The following NEK4 variants were observed in gnomAD, a reference collection of about 807,000 sequenced individuals.
NEK4 encodes serine/threonine-protein kinase Nek4.
In NEK4, 86 loss-of-function variants were observed where a neutral mutation model predicts 98.4. The observed-to-expected ratio is 0.87, with a 90% CI of 0.73 to 1.05. The LOEUF is 1.05. NEK4 is among the 50% of genes least tolerant of loss of function. The pLI, the probability that NEK4 is intolerant of heterozygous loss-of-function variation, is 0.00. For synonymous variants in NEK4, 328 were observed against 342.2 expected (o/e 0.96, Z 0.46); for missense variants, 898 against 950.3 (o/e 0.94, Z 0.72).
At chr3:52,768,237 AT>A (rs1698648273) in intron 2 of NEK4, 100 bp downstream of exon 2, 1 of 1,074,734 alleles carries the variant, frequency 9.3e-7, no homozygotes, top group Non-Finnish European at 1.4e-6. Flanking sequence ...CAAAAAATAC[AT>A]TTCTATATGT....
At chr3:52,724,365 A>C (rs550024807) in intron 15 of NEK4, among the ~76,000 whole-genome samples, 63 of 152,164 alleles carry the variant, frequency 4.1e-4, no homozygotes, top group Non-Finnish European at 6.9e-4. Flanking sequence ...TTTTTTCATC[A>C]GGAACTGTGG....
chr3:52,714,311 G>A (rs2097353090), intron 15 of NEK4, among the ~76,000 whole-genome samples: 1 of 152,200 alleles, frequency 6.6e-6, no homozygotes, highest in South Asian at 2.1e-4. Flanking sequence ...CCATTGTTTT[G>A]GACTAAACTC....
At chr3:52,745,021 T>C (rs1248149144) in intron 10 of NEK4, among the ~76,000 whole-genome samples, 2 of 151,814 alleles carry the variant, frequency 1.3e-5, no homozygotes, top group Admixed American at 6.5e-5. Flanking sequence ...GTACACGCCA[T>C]TCTCCTGCCT....
At chr3:52,753,435 G>A (rs2097409068) in intron 6 of NEK4, 3 of 370,728 alleles carry the variant, frequency 8.1e-6, no homozygotes, top group African/African-American at 6.4e-5. Context: ...ACAGAGGTGA[G>A]GCACAATGCC....
intron 1 of NEK4, among the ~76,000 whole-genome samples, chr3:52,769,685 G>A (rs577778136): frequency 1.3e-5 from 2 of 152,296 alleles, no homozygotes; most frequent in South Asian, 4.1e-4. Context: ...TATATTTAGG[G>A]GGAACATCTC....
chr3:52,767,279 G>A (rs1175409175), intron 2 of NEK4, among the ~76,000 whole-genome samples: 1 of 151,618 alleles, frequency 6.6e-6, no homozygotes, highest in Non-Finnish European at 1.5e-5. Flanking sequence ...GTGACACTCT[G>A]TCTTAAAAAA....
chr3:52,724,232 A>C (rs1578626491), intron 15 of NEK4, among the ~76,000 whole-genome samples: 1 of 145,202 alleles, frequency 6.9e-6, no homozygotes, highest in South Asian at 2.2e-4. Context: ...TTTGTCTTAA[A>C]ACACACACAC....
chr3:52,766,849 A>G (rs1217552151), intron 2 of NEK4, among the ~76,000 whole-genome samples: 4 of 152,132 alleles, frequency 2.6e-5, no homozygotes, highest in South Asian at 2.1e-4. Flanking sequence ...AGCCGGGCGC[A>G]GTGGCGGGCG....
chr3:52,758,948 G>T (rs1299396852), intron 6 of NEK4, among the ~76,000 whole-genome samples: 1 of 152,076 alleles, frequency 6.6e-6, no homozygotes, highest in African/African-American at 2.4e-5. Flanking sequence ...TAATTAGCCA[G>T]GTATGGTGGC....
intron 1 of NEK4, among the ~76,000 whole-genome samples, chr3:52,770,390 T>C (rs374572177): frequency 2.0e-5 from 3 of 151,112 alleles, no homozygotes; most frequent in East Asian, 3.9e-4. Flanking sequence ...AGGCAGAGAC[T>C]GAAAATTTTT....
chr3:52,765,295 G>C (rs1462992063), intron 4 of NEK4, among the ~76,000 whole-genome samples: 1 of 149,850 alleles, frequency 6.7e-6, no homozygotes, highest in African/African-American at 2.5e-5. Flanking sequence ...AGGTTGCTGT[G>C]AGCTGAGATC....
intron 1 of NEK4, 97 bp downstream of exon 1, chr3:52,770,557 G>C: frequency 1.1e-6 from 1 of 886,688 alleles, no homozygotes; most frequent in Non-Finnish European, 1.8e-6. Context: ...CATCCGAGAT[G>C]AGCCTCTTGC....
intron 2 of NEK4, among the ~76,000 whole-genome samples, chr3:52,766,709 G>A (rs1698571090): frequency 6.6e-6 from 1 of 152,134 alleles, no homozygotes; most frequent in African/African-American, 2.4e-5. Flanking sequence ...TTTACAAGCC[G>A]GGCGCAGTGG....
At chr3:52,733,500 G>T in intron 15 of NEK4, 1 of 450,278 alleles carries the variant, frequency 2.2e-6, no homozygotes, top group South Asian at 1.7e-5. Flanking sequence ...TCACTCAACA[G>T]AGAAGTCATA....
chr3:52,724,206 C>G (rs904192720), intron 15 of NEK4, among the ~76,000 whole-genome samples: 4 of 143,146 alleles, frequency 2.8e-5, no homozygotes, highest in African/African-American at 1.1e-4. Flanking sequence ...GCACTCCACC[C>G]TGGGGACAGT....
intron 13 of NEK4, among the ~76,000 whole-genome samples, chr3:52,740,783 C>A (rs1005493386): frequency 2.6e-5 from 4 of 151,398 alleles, no homozygotes; most frequent in African/African-American, 9.7e-5. Context: ...CAGAGTTAGA[C>A]TCTGTCTCAA....
intron 15 of NEK4, among the ~76,000 whole-genome samples, chr3:52,729,893 G>A (rs929317960): frequency 5.9e-5 from 9 of 152,064 alleles, no homozygotes; most frequent in East Asian, 5.8e-4. Flanking sequence ...GGTGGATCAC[G>A]AGGTCAGGAG....
At chr3:52,749,950 A>G (rs982800996) in intron 7 of NEK4, 121 bp from the exon 8 acceptor site, 1 of 153,050 alleles carries the variant, frequency 6.5e-6, no homozygotes, top group African/African-American at 2.4e-5. Context: ...AACAGTAACG[A>G]GTGTTAGCAT....
At position 52,749,705 on chromosome 3, in the gene NEK4, C is replaced by T; in HGVS notation, c.1493G>A (p.Cys498Tyr). The T allele has an allele frequency of 3.9e-6, 1 of 253,544 alleles. No individual in the cohort carries two copies. The highest frequency in any genetic ancestry group is 3.5e-5 in the South Asian group (1 of 28,690). The allele number at this position is 253,544 out of a possible 1,614,324, so 15.7% of individuals were successfully genotyped here. Residue 498 changes from cysteine (C) to tyrosine (Y), a missense_variant, in exon 8 of 16, where the codon TGC becomes TAC. Coordinates refer to ENST00000233027, the MANE Select transcript of NEK4 (RefSeq NM_003157.6). ...TGCAAAAATTACCTGGGCGTGGTGG[C>T]ACACGCCTGTAATCCCAGCTACTCG... ...ASRVAGITGV[C>Y]HHAQDQVAGE...
Sources: gnomAD v4.1 joint callset for allele counts (sites outside exome capture counted in the v4.1 genomes callset) on GRCh38, gnomAD v4.1.1 for gene constraint, MANE v1.5 for transcripts, NCBI Gene and HGNC (gene_info 2026-07-23, HGNC 2026-07-21) for gene names.